Variants in ASIC1 observed in about 807,000 individuals in gnomAD.
ASIC1 encodes the protein acid sensing ion channel subunit 1, also known as acid-sensing ion channel 1.
Under a neutral mutation model 63.4 loss-of-function variants are expected in ASIC1, and 21 were observed. The ratio of observed to expected loss-of-function variants is 0.33; its 90% confidence interval spans 0.23 to 0.48. The LOEUF (loss-of-function observed/expected upper bound fraction) is 0.48. Among genes scored for constraint, ASIC1 ranks in the 20% least tolerant of loss-of-function variants. ASIC1 has a pLI of 0.99. For missense variants in ASIC1, 478 were observed against 695.5 expected (o/e 0.69, Z 3.52); for synonymous variants, 258 against 278.2 (o/e 0.93, Z 0.72).
rs1950736620 is a variant in ASIC1, at chr12:50,082,997, C to T, written c.*1348C>T. 2 of 152,744 alleles carry T rather than the reference C, an allele frequency of 1.3e-5. No individual in the cohort carries two copies. Among genetic ancestry groups the T allele is most frequent in the African/African-American group, 4.8e-5 (2 of 41,428 alleles). 9.5% of individuals were successfully genotyped at this position (152,744 alleles called of 1,614,324 possible). A position where few individuals can be genotyped will look rare whatever the true frequency, so the allele number is the denominator to read the frequency against. ...GGGAAGGGGTTGCTGTAGAGATAGC[C>T]CCCACCCAGGGGATGGAGGTCTACC... On this transcript the variant is annotated 3_prime_UTR_variant, in exon 12 of 12. Transcript: ENST00000447966.
intron 3 of ASIC1, among the ~76,000 whole-genome samples, chr12:50,068,983 C>T (rs1681534728): frequency 6.6e-6 from 1 of 152,158 alleles, no homozygotes; most frequent in Non-Finnish European, 1.5e-5. Context: ...ACTTGAACGC[C>T]TTCCATGGGG....
chr12:50,079,322 G>A (rs1950691133), intron 7 of ASIC1, among the ~76,000 whole-genome samples: 1 of 152,164 alleles, frequency 6.6e-6, no homozygotes, highest in African/African-American at 2.4e-5. Context: ...GCTGAGGTGG[G>A]AGAATTCCTT....
At chr12:50,079,611 A>G (rs566207395) in intron 7 of ASIC1, among the ~76,000 whole-genome samples, 1 of 152,242 alleles carries the variant, frequency 6.6e-6, no homozygotes, top group Non-Finnish European at 1.5e-5. Context: ...AGCACATGGT[A>G]GACACAGCTG....
At position 50,081,752 on chromosome 12, in the gene ASIC1, C is replaced by T. The variant is rs1422665927; in HGVS notation, c.*103C>T. Reference sequence around the variant, plus strand: ...TCTGCCCTGGGGACTCCCCACACTCCGGGGCAGATCTTTCCTCTTGTCTGT... The same window carrying T: ...TCTGCCCTGGGGACTCCCCACACTCTGGGGCAGATCTTTCCTCTTGTCTGT... On this transcript the variant is annotated 3_prime_UTR_variant, in exon 12 of 12. Transcript: ENST00000447966. 8 of 996,828 alleles carry T rather than the reference C, an allele frequency of 8.0e-6. No homozygotes were observed. The highest frequency in any genetic ancestry group is 1.6e-5 in the African/African-American group (1 of 62,110). The allele number at this position is 996,828 out of a possible 1,614,324, so 61.7% of individuals were successfully genotyped here.
At chr12:50,071,521 A>G (rs1404116465) in intron 3 of ASIC1, among the ~76,000 whole-genome samples, 2 of 151,252 alleles carry the variant, frequency 1.3e-5, no homozygotes, top group African/African-American at 2.4e-5. Flanking sequence ...TGACCTCTTG[A>G]TCTGTCCACC....
At chr12:50,073,735 G>A (rs1213999279) in intron 3 of ASIC1, 1 of 1,536,574 alleles carries the variant, frequency 6.5e-7, no homozygotes, top group Non-Finnish European at 8.7e-7. Flanking sequence ...AAAGGAGGCA[G>A]TGAGGAAGGA....
intron 3 of ASIC1, among the ~76,000 whole-genome samples, chr12:50,066,134 T>C (rs371216323): frequency 1.3e-5 from 2 of 152,340 alleles, no homozygotes; most frequent in South Asian, 4.1e-4. Context: ...ACTAGCAAAA[T>C]TAATCATCTC....
chr12:50,081,587 T>TA lies in ASIC1; in HGVS notation c.1526dup (p.Tyr509Ter). ...TCGGGGCCACCCTGCCGGGATGACA[T>TA]ACGCTGCCAACATCCTACCTCACCA... ...SLRGHPAGMT[Y>*]AANILPHHPA... Residue 509 changes from tyrosine to a stop codon, truncating the protein, a stop_gained and frameshift_variant, in exon 12 of 12, where the codon TAC becomes TAAC. Transcript: ENST00000447966. LOFTEE classifies it high-confidence loss of function. 6.2e-7 allele frequency: 1 copy of TA among 1,614,120 alleles called. No individual in the cohort carries two copies. Among genetic ancestry groups the TA allele is most frequent in the Non-Finnish European group, 8.5e-7 (1 of 1,180,008 alleles).
chr12:50,059,659 G>A lies in ASIC1; in HGVS notation c.363-100G>A. 2.4e-6 allele frequency: 3 copies of A among 1,255,468 alleles called. No individual in the cohort carries two copies. Among genetic ancestry groups the A allele is most frequent in the Non-Finnish European group, 3.3e-6 (3 of 898,186 alleles). The allele number at this position is 1,255,468 out of a possible 1,614,324, so 77.8% of individuals were successfully genotyped here. ...AGCTCTCCTTCCTTGCCTACACCTG[G>A]GACTGATCCCCAGGGCTGGAGGCTG... is the stretch of plus-strand genomic sequence containing the variant. On this transcript the variant is annotated intron_variant, in intron 2 of 11. Coordinates refer to ENST00000447966, the MANE Select transcript of ASIC1 (RefSeq NM_001095.4). The surrounding 1 kb of genome is among the most constrained non-coding windows in gnomAD (Gnocchi z 4.6).
rs1950459825 is a variant in ASIC1, at chr12:50,057,835, T to G, written c.-98T>G. 1.3e-5 allele frequency: 2 copies of G among 150,774 alleles called. No individual in the cohort carries two copies. The highest frequency in any genetic ancestry group is 4.1e-4 in the South Asian group (2 of 4,822). 9.3% of individuals were successfully genotyped at this position (150,774 alleles called of 1,614,324 possible). ...GCTCCGGCCCCGGGCCATGAGCCCC[T>G]CCGCGACTCGGCGCTGAGCCCGCCA... On this transcript the variant is annotated 5_prime_UTR_variant, in exon 1 of 12. Coordinates refer to ENST00000447966, the MANE Select transcript of ASIC1 (RefSeq NM_001095.4). This position sits in a 1 kb window ranked among gnomAD's most constrained non-coding sequence, Gnocchi z 4.7.
chr12:50,071,288 A>T (rs1950596561), intron 3 of ASIC1, among the ~76,000 whole-genome samples: 1 of 117,852 alleles, frequency 8.5e-6, no homozygotes, highest in Non-Finnish European at 1.7e-5. Context: ...TTTTTTTGAG[A>T]CGGAGTCTTG....
At chr12:50,077,588 C>T (rs1950669397) in intron 4 of ASIC1, among the ~76,000 whole-genome samples, 1 of 152,064 alleles carries the variant, frequency 6.6e-6, no homozygotes, top group Admixed American at 6.5e-5. Flanking sequence ...CATCCTCTTC[C>T]ATCAACGCCG....
At position 50,071,266 on chromosome 12, in the gene ASIC1, C is replaced by CTTTTTTTTTT. The variant is rs34556615; in HGVS notation, c.559-5938_559-5929dup. On this transcript the variant is annotated intron_variant, in intron 3 of 11. Coordinates refer to ENST00000447966, the MANE Select transcript of ASIC1 (RefSeq NM_001095.4). ...GAGGTGGAGGGTACATTGCTTTCAG[C>CTTTTTTTTTT]TTTTTTTTTTTTTTTTTTGAGACGG... Among the ~76,000 whole-genome samples, 73 of 119,796 alleles carry CTTTTTTTTTT rather than the reference C, an allele frequency of 6.1e-4. 3 individuals are homozygous for CTTTTTTTTTT. Among genetic ancestry groups the CTTTTTTTTTT allele is most frequent in the African/African-American group, 2.1e-3 (66 of 30,784 alleles). 78.6% of individuals were successfully genotyped at this position (119,796 alleles called of 152,430 possible). A position where few individuals can be genotyped will look rare whatever the true frequency, so the allele number is the denominator to read the frequency against.
In ASIC1 at chr12:50,080,385, T is replaced by C. The variant is rs1311993428; in HGVS notation, c.1206-113T>C. ...GGCAGGTATCTCCATCAGCATCTCA[T>C]TTTATGGATATGGAAACTGAGATTC... On this transcript the variant is annotated intron_variant, in intron 8 of 11. Transcript: ENST00000447966. 10 of 1,041,690 alleles carry C rather than the reference T, an allele frequency of 9.6e-6. No homozygotes were observed. The South Asian group carries it at 9.8e-5, about 10-fold the overall frequency. 64.5% of individuals were successfully genotyped at this position (1,041,690 alleles called of 1,614,324 possible).
chr12:50,077,977 CCA>C (rs1950674661), intron 4 of ASIC1, 21 bp from the exon 5 acceptor site: 1 of 1,597,822 alleles, frequency 6.3e-7, no homozygotes, highest in Non-Finnish European at 8.5e-7. Context: ...CCCTCCCAAC[CCA>C]CACACTCCTC....
Position 50,081,901 on chromosome 12 carries a change from C to T in ASIC1, c.*252C>T, listed in dbSNP as rs1020658429. 1 of 516,520 alleles carries T rather than the reference C, an allele frequency of 1.9e-6. No homozygotes were observed. 32.0% of individuals were successfully genotyped at this position (516,520 alleles called of 1,614,324 possible). On this transcript the variant is annotated 3_prime_UTR_variant, in exon 12 of 12. Transcript: ENST00000447966. ...AACGGGGCAAGGGACCTCAGGCTGC[C>T]CCTCTCTCCTCCATGCTGCCTCCCC...
rs192542101 is a variant in ASIC1 at position 50,060,493 on chromosome 12, T to C, written c.558+539T>C. On this transcript the variant is annotated intron_variant, in intron 3 of 11. Coordinates refer to ENST00000447966, the MANE Select transcript of ASIC1 (RefSeq NM_001095.4). ...CAAGTAAGGGAAACCTTCTCTTAAA[T>C]AGCCAGACAGTAACTCCCTGTGTGC... Among the ~76,000 whole-genome samples the C allele has an allele frequency of 1.6e-3, 243 of 152,316 alleles. 1 individual carries two copies. The highest frequency in any genetic ancestry group is 5.7e-3 in the African/African-American group (236 of 41,580).
chr12:50,075,513 A>T (rs1020661003), intron 3 of ASIC1, among the ~76,000 whole-genome samples: 1 of 152,204 alleles, frequency 6.6e-6, no homozygotes, highest in African/African-American at 2.4e-5. Context: ...GGGTGCCGCA[A>T]GACCTGGTCA....
chr12:50,059,180 C>T lies in ASIC1; in HGVS notation c.362+52C>T, dbSNP rs201196322. ...CCTGCTCCTGGAGTTGCTTGAGTTC[C>T]AGTCAGGATGTCTGCCTCCCTGACC... On this transcript the variant is annotated intron_variant, in intron 2 of 11. Transcript: ENST00000447966. The surrounding 1 kb of genome is among the most constrained non-coding windows in gnomAD (Gnocchi z 4.6). 2.5e-5 allele frequency: 39 copies of T among 1,589,110 alleles called. No individual in the cohort carries two copies. Among genetic ancestry groups the T allele is most frequent in the Admixed American group, 2.0e-4 (12 of 59,300 alleles).
Sources: gnomAD v4.1 joint callset for allele counts (sites outside exome capture counted in the v4.1 genomes callset) on GRCh38, gnomAD v4.1.1 for gene constraint, Gnocchi (gnomAD v3.1) non-coding constraint, MANE v1.5 for transcripts, NCBI Gene and HGNC (gene_info 2026-07-23, HGNC 2026-07-21) for gene names.